Variants in HEBP1 observed in about 807,000 individuals in gnomAD.
HEBP1 encodes the protein heme binding protein 1.
In HEBP1, 13 loss-of-function variants were observed where a neutral mutation model predicts 20.4. That is an observed-to-expected ratio of 0.64 (90% CI 0.42 to 1.01). HEBP1 has a LOEUF of 1.01. Ranked by LOEUF, HEBP1 falls within the 50% of genes least tolerant of loss-of-function variation. The pLI is 0.00. For missense variants in HEBP1, 241 were observed against 247.3 expected, an observed-to-expected ratio of 0.97 and a Z score of 0.17; for synonymous variants, 92 against 90.7, an observed-to-expected ratio of 1.01 and a Z score of -0.08.
intron 2 of HEBP1, among the ~76,000 whole-genome samples, chr12:12,987,590 T>C (rs112926902): frequency 0.027 from 3,635 of 133,298 alleles, 164 homozygotes; most frequent in African/African-American, 0.1. Context: ...ATCAGTCTCT[T>C]TCTCTCTCTC....
rs1565495564 is a variant in HEBP1 at position 12,998,892 on chromosome 12, A to G, written c.78+1145T>C. Among the ~76,000 whole-genome samples, 2 of 152,206 alleles carry G rather than the reference A, an allele frequency of 1.3e-5. No homozygotes were observed. The highest frequency in any genetic ancestry group is 3.9e-4 in the East Asian group (2 of 5,188). ...GATATAAATTTGGGGGAAGACAGCA[A>G]TTATGCTCTTCTCACTCATTCTGTA... On this transcript the variant is annotated intron_variant, in intron 1 of 3. Transcript: ENST00000014930. This position sits in a 1 kb window ranked among gnomAD's most constrained non-coding sequence, Gnocchi z 4.2.
chr12:12,999,181 C>T (rs192849387), intron 1 of HEBP1, among the ~76,000 whole-genome samples: 8 of 152,186 alleles, frequency 5.3e-5, no homozygotes, highest in African/African-American at 1.9e-4. Context: ...ACCTTCCAAG[C>T]CCCCCAGTGG....
chr12:12,994,309 C>G (rs1234476583), intron 1 of HEBP1, among the ~76,000 whole-genome samples: 1 of 152,210 alleles, frequency 6.6e-6, no homozygotes, highest in Non-Finnish European at 1.5e-5. Context: ...CAGAAGAACT[C>G]AGAGGCTGTT....
At chr12:12,989,065 T>C (rs543799603) in intron 2 of HEBP1, among the ~76,000 whole-genome samples, 33 of 152,338 alleles carry the variant, frequency 2.2e-4, no homozygotes, top group African/African-American at 7.5e-4. Context: ...CAGGGATGCC[T>C]TCAAGTGAGG....
At chr12:12,993,292 A>T (rs1450404525) in intron 1 of HEBP1, among the ~76,000 whole-genome samples, 1 of 151,064 alleles carries the variant, frequency 6.6e-6, no homozygotes. Context: ...CTCCCACCTC[A>T]TCCTCCTAAG....
At chr12:12,993,806 A>C (rs1412676363) in intron 1 of HEBP1, among the ~76,000 whole-genome samples, 1 of 152,218 alleles carries the variant, frequency 6.6e-6, no homozygotes, top group Non-Finnish European at 1.5e-5. Flanking sequence ...CTATAAGGGA[A>C]GATGCCAGGA....
chr12:12,983,815 A>C (rs1864117215), intron 3 of HEBP1: 1 of 455,258 alleles, frequency 2.2e-6, no homozygotes, highest in African/African-American at 2.0e-5. Flanking sequence ...TCCCACCATA[A>C]GAAACCAGCG....
intron 1 of HEBP1, among the ~76,000 whole-genome samples, chr12:12,997,464 G>A (rs964150986): frequency 6.6e-6 from 1 of 152,188 alleles, no homozygotes; most frequent in Non-Finnish European, 1.5e-5. Flanking sequence ...AGGTTACTGG[G>A]TAGAAGCTAG....
chr12:12,985,438 A>G (rs1864139630), intron 3 of HEBP1, among the ~76,000 whole-genome samples: 1 of 152,116 alleles, frequency 6.6e-6, no homozygotes, highest in Non-Finnish European at 1.5e-5. Flanking sequence ...ATGATCTTAT[A>G]TGCTTCTACC....
intron 1 of HEBP1, among the ~76,000 whole-genome samples, chr12:12,992,062 A>G (rs1371262108): frequency 6.6e-6 from 1 of 152,336 alleles, no homozygotes; most frequent in South Asian, 2.1e-4. Context: ...AGACTGGTCA[A>G]ATAGGTTTTC....
chr12:12,989,173 A>G (rs148078457), intron 2 of HEBP1, 104 bp downstream of exon 2: 1 of 1,243,108 alleles, frequency 8.0e-7, no homozygotes, highest in African/African-American at 1.5e-5. Context: ...GAAACAGGTC[A>G]CTACAGGTGC....
intron 1 of HEBP1, among the ~76,000 whole-genome samples, chr12:12,993,882 CAGGAA>C (rs1864260566): frequency 6.6e-6 from 1 of 152,206 alleles, no homozygotes; most frequent in South Asian, 2.1e-4. Context: ...TATGGGAACA[CAGGAA>C]AGGACCACTT....
chr12:12,984,786 T>C (rs1864131839), intron 3 of HEBP1: 1 of 148,254 alleles, frequency 6.7e-6, no homozygotes, highest in Non-Finnish European at 1.5e-5. Flanking sequence ...AGCAAGGCCT[T>C]GTCTCTTAAC....
rs1864154300 is a variant in HEBP1 at position 12,986,477 on chromosome 12, T to G, written c.398+675A>C. ...ATCCTGGTCTTTCCCTGAGCCTGGT[T>G]TGGTGCCTGTCACATGGGAGTGTTT... On this transcript the variant is annotated intron_variant, in intron 3 of 3. Coordinates refer to ENST00000014930, the MANE Select transcript of HEBP1 (RefSeq NM_015987.5). The surrounding 1 kb of genome is among the most constrained non-coding windows in gnomAD (Gnocchi z 4.3). 1 of 152,272 alleles carries G rather than the reference T, an allele frequency of 6.6e-6. No homozygotes were observed. Among genetic ancestry groups the G allele is most frequent in the Admixed American group, 6.5e-5 (1 of 15,290 alleles). 9.4% of individuals were successfully genotyped at this position (152,272 alleles called of 1,614,324 possible).
intron 1 of HEBP1, among the ~76,000 whole-genome samples, chr12:12,999,686 G>T (rs1345390246): frequency 6.6e-6 from 1 of 152,218 alleles, no homozygotes; most frequent in Non-Finnish European, 1.5e-5. Context: ...ACTCATTTCT[G>T]CAACCGAGTG....
intron 1 of HEBP1, among the ~76,000 whole-genome samples, chr12:12,997,210 T>G (rs1306698164): frequency 6.6e-6 from 1 of 152,170 alleles, no homozygotes; most frequent in Non-Finnish European, 1.5e-5. Context: ...AGATGCTTAT[T>G]AGGGAGTTCT....
At chr12:12,990,128 A>G (rs1003464220) in intron 1 of HEBP1, among the ~76,000 whole-genome samples, 15 of 136,546 alleles carry the variant, frequency 1.1e-4, no homozygotes, top group East Asian at 2.0e-4. Flanking sequence ...ACACACACAC[A>G]CACACACACA....
intron 3 of HEBP1, chr12:12,977,523 A>G (rs969346442): frequency 2.0e-5 from 3 of 152,228 alleles, no homozygotes; most frequent in Non-Finnish European, 2.9e-5. Context: ...GCACTGTGCT[A>G]TGATCACATC....
chr12:12,987,609 TCTTTCTC>T lies in HEBP1; in HGVS notation c.218-284_218-278del, dbSNP rs1284103852. On this transcript the variant is annotated intron_variant, in intron 2 of 3. Transcript: ENST00000014930. The stretch of plus-strand genomic sequence containing the variant: ...GTCTCTTTCTCTCTCTCTCTCTCTC[TCTTTCTC>T]TCTCTCTCTCTCTCTCTCTTTCTTT... Among the ~76,000 whole-genome samples, 291 of 54,336 alleles carry T rather than the reference TCTTTCTC, an allele frequency of 5.4e-3. 2 individuals are homozygous for T. Among genetic ancestry groups the T allele is most frequent in the African/African-American group, 0.011 (279 of 25,674 alleles). The allele number at this position is 54,336 out of a possible 152,430, so 35.6% of individuals were successfully genotyped here.
Sources: allele counts gnomAD v4.1 joint callset (sites outside exome capture counted in the v4.1 genomes callset), GRCh38; gene constraint gnomAD v4.1.1; non-coding constraint Gnocchi (gnomAD v3.1); transcripts MANE v1.5; gene names NCBI Gene and HGNC (gene_info 2026-07-23, HGNC 2026-07-21).